Variants in WASF1 observed in about 807,000 individuals in gnomAD.
The protein encoded by WASF1 is actin-binding protein WASF1.
WASF1 carries 7 observed loss-of-function variants against 50.5 expected under a neutral mutation model. The observed-to-expected ratio is 0.14, with a 90% CI of 0.08 to 0.26. The LOEUF is 0.26. Ranked by LOEUF, WASF1 falls within the 10% of genes least tolerant of loss-of-function variation. WASF1 has a pLI of 1.00. For missense variants in WASF1, 470 were observed against 694.7 expected, an observed-to-expected ratio of 0.68 and a Z score of 3.64; for synonymous variants, 205 against 244.0, an observed-to-expected ratio of 0.84 and a Z score of 1.49.
chr6:110,146,812 T>C (rs1219153701), intron 3 of WASF1, among the ~76,000 whole-genome samples: 3 of 152,260 alleles, frequency 2.0e-5, no homozygotes, highest in East Asian at 3.9e-4. Context: ...CAGGAATATA[T>C]AGAAATCATA....
intron 3 of WASF1, among the ~76,000 whole-genome samples, chr6:110,130,392 CTTGT>C (rs1051992720): frequency 3.3e-5 from 5 of 152,066 alleles, no homozygotes; most frequent in African/African-American, 7.2e-5. Context: ...TAAGCATTTC[CTTGT>C]TTTTCTTTTT....
chr6:110,101,447 T>C lies in WASF1; in HGVS notation c.1522+141A>G, dbSNP rs1233926049. Reference sequence around the variant, plus strand: ...AATAATTTTAAATATAAGTTGGATATAGCTTTACTTTCTAAAGGCCATTTG... The same window carrying C: ...AATAATTTTAAATATAAGTTGGATACAGCTTTACTTTCTAAAGGCCATTTG... On this transcript the variant is annotated intron_variant, in intron 10 of 10. Coordinates refer to ENST00000392589, the MANE Select transcript of WASF1 (RefSeq NM_003931.3). The C allele has an allele frequency of 5.8e-6, 6 of 1,034,664 alleles. No individual in the cohort carries two copies. In the Admixed American group the frequency reaches 1.2e-4, roughly 21 times the overall value. The allele number at this position is 1,034,664 out of a possible 1,614,324, so 64.1% of individuals were successfully genotyped here.
At chr6:110,168,255 G>C (rs1459594508) in intron 2 of WASF1, among the ~76,000 whole-genome samples, 1 of 151,974 alleles carries the variant, frequency 6.6e-6, no homozygotes, top group Non-Finnish European at 1.5e-5. Context: ...ATGTTTAACT[G>C]ATAAGAAGTC....
rs564177349 is a variant in WASF1, at chr6:110,118,964, A to G, written c.134-5504T>C. Among the ~76,000 whole-genome samples the G allele has an allele frequency of 3.9e-5, 6 of 152,330 alleles. No homozygotes were observed. In the East Asian group the frequency reaches 1.2e-3, roughly 29 times the overall value. ...GACTAATGGGTAAATAACAAAATGA[A>G]GGCAGAAATAAAGATGTTCTTTGAA... On this transcript the variant is annotated intron_variant, in intron 4 of 10. Coordinates refer to ENST00000392589, the MANE Select transcript of WASF1 (RefSeq NM_003931.3).
intron 2 of WASF1, among the ~76,000 whole-genome samples, chr6:110,170,236 G>A (rs1211188281): frequency 6.6e-6 from 1 of 151,990 alleles, no homozygotes; most frequent in Non-Finnish European, 1.5e-5. Context: ...GGGGGTGGAG[G>A]GGGTGAAACA....
intron 6 of WASF1, 118 bp downstream of exon 6, chr6:110,108,410 C>T: frequency 3.0e-6 from 3 of 1,013,326 alleles, no homozygotes; most frequent in Non-Finnish European, 4.2e-6. Flanking sequence ...AGGTGGTGGA[C>T]AGAGAGGGCT....
chr6:110,174,057 A>G (rs148192174), intron 2 of WASF1, among the ~76,000 whole-genome samples: 140 of 152,268 alleles, frequency 9.2e-4, no homozygotes, highest in Non-Finnish European at 1.6e-3. Flanking sequence ...ACCTCGTTAA[A>G]CCAAACCTCA....
chr6:110,113,850 T>A (rs1287106533), intron 4 of WASF1, among the ~76,000 whole-genome samples: 1 of 149,118 alleles, frequency 6.7e-6, no homozygotes, highest in East Asian at 2.0e-4. Context: ...TATTTTATCA[T>A]TTACTACCAC....
chr6:110,161,110 G>A (rs1342185857), intron 2 of WASF1, among the ~76,000 whole-genome samples: 1 of 151,394 alleles, frequency 6.6e-6, no homozygotes, highest in Non-Finnish European at 1.5e-5. Flanking sequence ...CTTTCAAGAT[G>A]TCTTCCTCTA....
intron 3 of WASF1, among the ~76,000 whole-genome samples, chr6:110,147,206 C>A (rs904564824): frequency 1.3e-5 from 2 of 151,828 alleles, no homozygotes; most frequent in African/African-American, 4.8e-5. Flanking sequence ...ATTAGCCGGG[C>A]GTGGTGGCGG....
chr6:110,173,507 T>C (rs1245482548), intron 2 of WASF1, among the ~76,000 whole-genome samples: 1 of 152,148 alleles, frequency 6.6e-6, no homozygotes, highest in Admixed American at 6.6e-5. Context: ...CCATTTCTAT[T>C]AGCCATGTGA....
chr6:110,160,183 A>G (rs1479256082), intron 3 of WASF1, among the ~76,000 whole-genome samples: 1 of 151,888 alleles, frequency 6.6e-6, no homozygotes, highest in South Asian at 2.1e-4. Flanking sequence ...CAGCTGATTT[A>G]AAATCAAGTG....
intron 5 of WASF1, 80 bp downstream of exon 5, chr6:110,113,245 AT>A: frequency 4.9e-6 from 6 of 1,226,106 alleles, no homozygotes; most frequent in Non-Finnish European, 6.4e-6. Flanking sequence ...TAAATTCATG[AT>A]TAATACTGTT....
intron 4 of WASF1, among the ~76,000 whole-genome samples, chr6:110,116,185 A>C (rs1289482821): frequency 1.3e-5 from 2 of 152,214 alleles, no homozygotes; most frequent in Non-Finnish European, 2.9e-5. Context: ...CTGGTTGGAC[A>C]GTGGGTGCAG....
chr6:110,145,298 C>T (rs535206772), intron 3 of WASF1, among the ~76,000 whole-genome samples: 18 of 152,120 alleles, frequency 1.2e-4, no homozygotes, highest in East Asian at 1.9e-4. Flanking sequence ...GTGATTTTTG[C>T]ACATTGATTT....
At chr6:110,104,733 G>A (rs1016252113) in intron 8 of WASF1, among the ~76,000 whole-genome samples, 2 of 152,214 alleles carry the variant, frequency 1.3e-5, no homozygotes, top group African/African-American at 4.8e-5. Flanking sequence ...AGGTTGCAGT[G>A]AGCTGAGAGC....
At chr6:110,110,608 T>G (rs924167128) in intron 5 of WASF1, among the ~76,000 whole-genome samples, 3 of 152,192 alleles carry the variant, frequency 2.0e-5, no homozygotes, top group Non-Finnish European at 4.4e-5. Context: ...CTCCTTCCAC[T>G]TGCCAACAAT....
chr6:110,121,178 A>T lies in WASF1; in HGVS notation c.133+6291T>A, dbSNP rs528341794. 7.2e-5 allele frequency among the ~76,000 whole-genome samples: 11 copies of T among 152,232 alleles called. No homozygotes were observed. The South Asian group carries it at 1.5e-3, about 20-fold the overall frequency. On this transcript the variant is annotated intron_variant, in intron 4 of 10. Coordinates refer to ENST00000392589, the MANE Select transcript of WASF1 (RefSeq NM_003931.3). ...AAAGCAATGGCAAGAAAGCCAAAATAGACACATGGGATCTAAATAAACTAA... is the reference window on the plus strand; with the variant it reads ...AAAGCAATGGCAAGAAAGCCAAAATTGACACATGGGATCTAAATAAACTAA...
At chr6:110,155,533 CTTCT>C (rs1460957272) in intron 3 of WASF1, among the ~76,000 whole-genome samples, 4 of 54,522 alleles carry the variant, frequency 7.3e-5, no homozygotes, top group African/African-American at 1.6e-4. Context: ...TCTAAAGTGC[CTTCT>C]TTTTTTTTTT....
Sources: allele counts gnomAD v4.1 joint callset (sites outside exome capture counted in the v4.1 genomes callset), GRCh38; gene constraint gnomAD v4.1.1; transcripts MANE v1.5; gene names NCBI Gene and HGNC (gene_info 2026-07-23, HGNC 2026-07-21).